The following CTNNA3 variants were observed in gnomAD, a reference collection of about 807,000 sequenced individuals.
The protein encoded by CTNNA3 is catenin alpha-3.
In CTNNA3, 76 loss-of-function variants were observed where a neutral mutation model predicts 95.7. That is an observed-to-expected ratio of 0.79 (90% CI 0.66 to 0.96). The LOEUF (loss-of-function observed/expected upper bound fraction) is 0.96. Ranked by LOEUF, CTNNA3 falls within the 40% of genes least tolerant of loss-of-function variation. The pLI is 0.00. For missense variants in CTNNA3, 1,191 were observed against 1,089.8 expected, an observed-to-expected ratio of 1.09 and a Z score of -1.31; for synonymous variants, 431 against 374.4, an observed-to-expected ratio of 1.15 and a Z score of -1.74.
chr10:66,821,035 C>T (rs892567379), intron 7 of CTNNA3, among the ~76,000 whole-genome samples: 3 of 151,964 alleles, frequency 2.0e-5, no homozygotes, highest in East Asian at 1.9e-4. Flanking sequence ...TATCAGCATA[C>T]GTGATTTCTT....
intron 7 of CTNNA3, among the ~76,000 whole-genome samples, chr10:66,834,231 A>C (rs1346284067): frequency 3.3e-5 from 5 of 152,180 alleles, no homozygotes; most frequent in Admixed American, 3.3e-4. Context: ...TAAGTAGATA[A>C]TCAGATGCTG....
At chr10:67,266,107 C>T (rs1589106676) in intron 5 of CTNNA3, among the ~76,000 whole-genome samples, 1 of 151,882 alleles carries the variant, frequency 6.6e-6, no homozygotes, top group African/African-American at 2.4e-5. Flanking sequence ...CTGATATACG[C>T]TAGAAAGAGA....
intron 14 of CTNNA3, among the ~76,000 whole-genome samples, chr10:66,095,602 T>C (rs939003983): frequency 6.6e-6 from 1 of 152,048 alleles, no homozygotes; most frequent in African/African-American, 2.4e-5. Context: ...ATCCATGGAA[T>C]TGTTTTTCTA....
intron 7 of CTNNA3, among the ~76,000 whole-genome samples, chr10:66,973,415 C>G (rs545577951): frequency 3.9e-5 from 6 of 152,178 alleles, no homozygotes; most frequent in African/African-American, 1.4e-4. Flanking sequence ...ACAATCTGAA[C>G]TAAATTGAAC....
intron 1 of CTNNA3, among the ~76,000 whole-genome samples, chr10:67,703,617 G>A (rs1300235017): frequency 1.3e-5 from 2 of 152,220 alleles, no homozygotes; most frequent in Non-Finnish European, 2.9e-5. Flanking sequence ...GTATCGATGG[G>A]ATGTATCTCA....
At chr10:66,795,430 G>A (rs1211191336) in intron 7 of CTNNA3, among the ~76,000 whole-genome samples, 1 of 152,114 alleles carries the variant, frequency 6.6e-6, no homozygotes. Context: ...AGCTTCAGGT[G>A]TCAATAGTGA....
At chr10:66,611,989 C>G (rs1348291016) in intron 10 of CTNNA3, among the ~76,000 whole-genome samples, 5 of 152,068 alleles carry the variant, frequency 3.3e-5, no homozygotes, top group African/African-American at 9.7e-5. Flanking sequence ...TCATCTCAAC[C>G]TGGATCTTCT....
At chr10:66,060,295 C>T (rs554207839) in intron 15 of CTNNA3, among the ~76,000 whole-genome samples, 5 of 152,086 alleles carry the variant, frequency 3.3e-5, no homozygotes, top group Non-Finnish European at 5.9e-5. Flanking sequence ...AAAATAATAT[C>T]TAATCTAATA....
chr10:67,628,877 A>C (rs1284350732), intron 2 of CTNNA3, among the ~76,000 whole-genome samples: 1 of 151,932 alleles, frequency 6.6e-6, no homozygotes, highest in Non-Finnish European at 1.5e-5. Context: ...TTTTCTTGAA[A>C]GCTCTTCCCA....
At chr10:66,809,551 T>C (rs1841792363) in intron 7 of CTNNA3, among the ~76,000 whole-genome samples, 1 of 152,166 alleles carries the variant, frequency 6.6e-6, no homozygotes. Flanking sequence ...CTTTAAGTAA[T>C]GGTGATTAAT....
intron 10 of CTNNA3, among the ~76,000 whole-genome samples, chr10:66,600,620 G>A (rs1001767090): frequency 2.0e-5 from 3 of 151,772 alleles, no homozygotes; most frequent in African/African-American, 2.4e-5. Context: ...CCTCTTTGCT[G>A]TGTAATCTTA....
intron 7 of CTNNA3, among the ~76,000 whole-genome samples, chr10:66,889,961 T>A (rs1845202087): frequency 6.6e-6 from 1 of 152,064 alleles, no homozygotes; most frequent in African/African-American, 2.4e-5. Context: ...CAGCTAATTT[T>A]TGTATTTTTA....
intron 5 of CTNNA3, among the ~76,000 whole-genome samples, chr10:67,370,766 A>T (rs2132699908): frequency 6.6e-6 from 1 of 152,292 alleles, no homozygotes; most frequent in East Asian, 1.9e-4. Flanking sequence ...TGTACATATA[A>T]TGTTTTCAAC....
At chr10:66,851,633 T>TACACACACAC (rs35986426) in intron 7 of CTNNA3, among the ~76,000 whole-genome samples, 3,404 of 144,334 alleles carry the variant, frequency 0.024, 93 homozygotes, top group African/African-American at 0.055. Flanking sequence ...TTCTCTCACA[T>TACACACACAC]ACACACACAC....
intron 5 of CTNNA3, among the ~76,000 whole-genome samples, chr10:67,501,897 A>G (rs1438291671): frequency 6.6e-6 from 1 of 151,998 alleles, no homozygotes; most frequent in Non-Finnish European, 1.5e-5. Context: ...GCTTCCTTGC[A>G]TTGGGTTAGA....
intron 7 of CTNNA3, among the ~76,000 whole-genome samples, chr10:67,131,528 G>A (rs1042678694): frequency 2.0e-5 from 3 of 151,956 alleles, no homozygotes; most frequent in Non-Finnish European, 2.9e-5. Flanking sequence ...GTAGACCATT[G>A]GTGAACAAAG....
intron 7 of CTNNA3, among the ~76,000 whole-genome samples, chr10:66,871,455 G>A (rs759974293): frequency 2.6e-5 from 4 of 151,342 alleles, no homozygotes; most frequent in South Asian, 2.1e-4. Flanking sequence ...CCAGCTACTC[G>A]GGAGGCTGAC....
chr10:67,248,973 G>A (rs186366366), intron 5 of CTNNA3, among the ~76,000 whole-genome samples: 3 of 152,088 alleles, frequency 2.0e-5, no homozygotes, highest in Non-Finnish European at 4.4e-5. Flanking sequence ...TAATATAAGA[G>A]CTAAAACTAT....
chr10:67,711,568 A>AATTTCTTTATTTATTT (rs1554878498), intron 1 of CTNNA3, among the ~76,000 whole-genome samples: 2 of 133,974 alleles, frequency 1.5e-5, no homozygotes, highest in Admixed American at 7.0e-5. Flanking sequence ...TGGCAGAAGA[A>AATTTCTTTATTTATTT]ATTTATTTAT....
Sources: gnomAD v4.1 joint callset for allele counts (sites outside exome capture counted in the v4.1 genomes callset) on GRCh38, gnomAD v4.1.1 for gene constraint, MANE v1.5 for transcripts, NCBI Gene and HGNC (gene_info 2026-07-23, HGNC 2026-07-21) for gene names.